The following NOS1AP variants were observed in gnomAD, a reference collection of about 807,000 sequenced individuals.
The protein encoded by NOS1AP is carboxyl-terminal PDZ ligand of neuronal nitric oxide synthase protein.
NOS1AP carries 21 observed loss-of-function variants against 56.2 expected under a neutral mutation model. The ratio of observed to expected loss-of-function variants is 0.37; its 90% CI spans 0.26 to 0.54. The LOEUF (loss-of-function observed/expected upper bound fraction) is 0.54, where lower values mean the gene tolerates loss of function less well. Among genes scored for constraint, NOS1AP ranks in the 20% least tolerant of loss-of-function variants. NOS1AP has a pLI of 0.84. For missense variants in NOS1AP, 522 were observed against 657.8 expected, an observed-to-expected ratio of 0.79 and a Z score of 2.26; for synonymous variants, 270 against 274.6, an observed-to-expected ratio of 0.98 and a Z score of 0.17.
At chr1:162,092,228 C>T (rs1692151976) in intron 1 of NOS1AP, among the ~76,000 whole-genome samples, 1 of 152,106 alleles carries the variant, frequency 6.6e-6, no homozygotes, top group African/African-American at 2.4e-5. Context: ...GAAGGGTATT[C>T]ATTCATTCTT....
intron 1 of NOS1AP, among the ~76,000 whole-genome samples, chr1:162,101,584 T>C (rs745548321): frequency 3.3e-5 from 5 of 152,202 alleles, no homozygotes; most frequent in Non-Finnish European, 7.4e-5. Context: ...ATGGAATGTT[T>C]TTCCATTTGT....
chr1:162,090,549 A>G (rs1477735651), intron 1 of NOS1AP, among the ~76,000 whole-genome samples: 2 of 152,118 alleles, frequency 1.3e-5, no homozygotes, highest in Admixed American at 6.5e-5. Context: ...GTTCTTCCGG[A>G]ACCACTCTTA....
intron 7 of NOS1AP, among the ~76,000 whole-genome samples, chr1:162,356,665 T>C (rs142358558): frequency 2.6e-5 from 4 of 152,306 alleles, no homozygotes; most frequent in Non-Finnish European, 5.9e-5. Context: ...CAGGGTATCA[T>C]TGGAAGTGGT....
intron 2 of NOS1AP, among the ~76,000 whole-genome samples, chr1:162,220,119 A>G (rs528638657): frequency 6.6e-6 from 1 of 152,168 alleles, no homozygotes; most frequent in Non-Finnish European, 1.5e-5. Context: ...TTTTGTAGAG[A>G]TAGAGTCCAA....
chr1:162,235,605 A>G (rs1197545687), intron 2 of NOS1AP, among the ~76,000 whole-genome samples: 4 of 152,172 alleles, frequency 2.6e-5, no homozygotes, highest in South Asian at 4.1e-4. Flanking sequence ...TCAAAGCTTC[A>G]GTGGCCAGAA....
intron 1 of NOS1AP, among the ~76,000 whole-genome samples, chr1:162,105,582 C>T (rs1385536984): frequency 6.6e-6 from 1 of 152,210 alleles, no homozygotes; most frequent in African/African-American, 2.4e-5. Flanking sequence ...GATCAGAGCT[C>T]TCTCTGTAGA....
At chr1:162,202,955 G>A (rs1211595586) in intron 2 of NOS1AP, among the ~76,000 whole-genome samples, 2 of 152,188 alleles carry the variant, frequency 1.3e-5, no homozygotes, top group Non-Finnish European at 2.9e-5. Flanking sequence ...ATCAGTAAGA[G>A]TGTTGGCTAC....
chr1:162,365,098 G>T, intron 8 of NOS1AP: 2 of 1,352,486 alleles, frequency 1.5e-6, no homozygotes, highest in Non-Finnish European at 1.9e-6. Flanking sequence ...GTGTACGTGT[G>T]TGTGTGTGGC....
intron 1 of NOS1AP, among the ~76,000 whole-genome samples, chr1:162,095,181 G>A (rs1320918031): frequency 2.0e-5 from 3 of 152,242 alleles, no homozygotes; most frequent in East Asian, 1.9e-4. Context: ...TGTCCTCCCC[G>A]AATTTTTGTG....
intron 5 of NOS1AP, chr1:162,338,550 C>A (rs963280767): frequency 2.4e-4 from 36 of 152,164 alleles, no homozygotes; most frequent in African/African-American, 8.4e-4. Flanking sequence ...AAGAACCATT[C>A]TTTACATGCA....
intron 1 of NOS1AP, among the ~76,000 whole-genome samples, chr1:162,138,529 G>T (rs905515430): frequency 6.6e-6 from 1 of 152,206 alleles, no homozygotes; most frequent in Non-Finnish European, 1.5e-5. Context: ...GATAGATAGT[G>T]GAGGGAGAAG....
chr1:162,196,852 G>A (rs915683915), intron 2 of NOS1AP, among the ~76,000 whole-genome samples: 6 of 152,332 alleles, frequency 3.9e-5, no homozygotes, highest in Non-Finnish European at 2.9e-5. Flanking sequence ...TTTATTGTGC[G>A]AACGAATCTA....
At chr1:162,209,065 T>G (rs925147702) in intron 2 of NOS1AP, among the ~76,000 whole-genome samples, 1 of 152,258 alleles carries the variant, frequency 6.6e-6, no homozygotes, top group Non-Finnish European at 1.5e-5. Flanking sequence ...TTTTTCAGAT[T>G]ACTCTCAAAC....
At position 162,070,145 on chromosome 1, in the gene NOS1AP, G is replaced by T; in HGVS notation, c.-33G>T. On this transcript the variant is annotated 5_prime_UTR_variant, in exon 1 of 10. Coordinates refer to ENST00000361897, the MANE Select transcript of NOS1AP (RefSeq NM_014697.3). The stretch of plus-strand genomic sequence containing the variant: ...TCGCCAGCCCCTTCCTGCAGCCGCC[G>T]CCTCCGAAGGAGCGGGTCCGCCGCG... The T allele has an allele frequency of 6.4e-7, 1 of 1,574,354 alleles. No individual in the cohort carries two copies. Among genetic ancestry groups the T allele is most frequent in the South Asian group, 1.1e-5 (1 of 90,216 alleles).
At chr1:162,329,063 G>C (rs1053639109) in intron 4 of NOS1AP, among the ~76,000 whole-genome samples, 1 of 152,164 alleles carries the variant, frequency 6.6e-6, no homozygotes, top group African/African-American at 2.4e-5. Context: ...ATTCCAGCAT[G>C]ATGATAAACC....
intron 1 of NOS1AP, among the ~76,000 whole-genome samples, chr1:162,105,213 C>G (rs949564147): frequency 6.6e-6 from 1 of 152,194 alleles, no homozygotes; most frequent in African/African-American, 2.4e-5. Flanking sequence ...CTTGGTTTTT[C>G]TGTACCCAGA....
chr1:162,367,829 CT>C lies in NOS1AP; in HGVS notation c.*363del, dbSNP rs1474031019. 2 of 242,670 alleles carry C rather than the reference CT, an allele frequency of 8.2e-6. No individual in the cohort carries two copies. The highest frequency in any genetic ancestry group is 4.5e-5 in the African/African-American group (2 of 44,876). 15.0% of individuals were successfully genotyped at this position (242,670 alleles called of 1,614,324 possible). A position where few individuals can be genotyped will look rare whatever the true frequency, so the allele number is the denominator to read the frequency against. On this transcript the variant is annotated 3_prime_UTR_variant, in exon 10 of 10. Transcript: ENST00000361897. The surrounding 1 kb of genome is among the most constrained non-coding windows in gnomAD (Gnocchi z 6.5). ...CCCACGCTTTGTCCGTGATGCCCCC[CT>C]ACCCCCTCACTCTCCCCGTCTCCAT...
chr1:162,146,196 C>T (rs534104234), intron 1 of NOS1AP, among the ~76,000 whole-genome samples: 1 of 152,324 alleles, frequency 6.6e-6, no homozygotes, highest in African/African-American at 2.4e-5. Flanking sequence ...CTTTTACAGA[C>T]CCATAGCAGA....
intron 1 of NOS1AP, among the ~76,000 whole-genome samples, chr1:162,111,297 G>A (rs1273665933): frequency 6.6e-6 from 1 of 152,208 alleles, no homozygotes; most frequent in East Asian, 1.9e-4. Context: ...AGAACAGAAA[G>A]AGAATACAGG....
Sources: allele counts gnomAD v4.1 joint callset (sites outside exome capture counted in the v4.1 genomes callset), GRCh38; gene constraint gnomAD v4.1.1; non-coding constraint Gnocchi (gnomAD v3.1); transcripts MANE v1.5; gene names NCBI Gene and HGNC (gene_info 2026-07-23, HGNC 2026-07-21).